Variants in COL6A3 observed in about 807,000 individuals in gnomAD.
The protein encoded by COL6A3 is collagen type VI alpha 3 chain, also known as collagen alpha-3(VI) chain.
COL6A3 carries 137 observed loss-of-function variants against 274.1 expected under a neutral mutation model. The ratio of observed to expected loss-of-function variants is 0.50; its 90% confidence interval spans 0.44 to 0.58. The LOEUF (loss-of-function observed/expected upper bound fraction) is 0.58. Ranked by LOEUF, COL6A3 falls within the 20% of genes least tolerant of loss-of-function variation. COL6A3 has a pLI of 0.00. For missense variants in COL6A3, 3,950 were observed against 4,124.9 expected (o/e 0.96, Z 1.16); for synonymous variants, 1,650 against 1,650.6 (o/e 1.00, Z 0.01).
intron 1 of COL6A3, among the ~76,000 whole-genome samples, chr2:237,399,946 G>A (rs1269902748): frequency 6.6e-6 from 1 of 152,236 alleles, no homozygotes; most frequent in Non-Finnish European, 1.5e-5. Flanking sequence ...AAGCCCAGGG[G>A]AAGGACCAGA....
Position 237,358,506 on chromosome 2 carries a change from T to A in COL6A3, c.6471+15A>T. 6.2e-7 allele frequency: 1 copy of A among 1,611,576 alleles called. No homozygotes were observed. Among genetic ancestry groups the A allele is most frequent in the Non-Finnish European group, 8.5e-7 (1 of 1,177,668 alleles). On this transcript the variant is annotated intron_variant, in intron 21 of 43. Coordinates refer to ENST00000295550, the MANE Select transcript of COL6A3 (RefSeq NM_004369.4). ...CCAGGCTCAGGTCTGAAATCGTCAA[T>A]AAAGAAATCTTTACCGGGTCCCCTC...
Position 237,332,113 on chromosome 2 carries a change from A to G in COL6A3, c.9328+1337T>C, listed in dbSNP as rs1331076610. Among the ~76,000 whole-genome samples, 649 of 93,882 alleles carry G rather than the reference A, an allele frequency of 6.9e-3. 39 individuals carry two copies. The highest frequency in any genetic ancestry group is 0.027 in the African/African-American group (626 of 22,948). The allele number at this position is 93,882 out of a possible 152,430, so 61.6% of individuals were successfully genotyped here. On this transcript the variant is annotated intron_variant, in intron 42 of 43. Coordinates refer to ENST00000295550, the MANE Select transcript of COL6A3 (RefSeq NM_004369.4). Reference sequence around the variant, plus strand: ...TATATATATATATATATATATATATATATATGAAAAGAAAAACAAAACAGC... The same window carrying G: ...TATATATATATATATATATATATATGTATATGAAAAGAAAAACAAAACAGC...
rs78380978 is a variant in COL6A3, at chr2:237,372,444, A to G, written c.3680-107T>C. The G allele has an allele frequency of 0.017, 26,860 of 1,587,236 alleles. 537 individuals are homozygous for G. The highest frequency in any genetic ancestry group is 0.092 in the African/African-American group (6,908 of 74,728). On this transcript the variant is annotated intron_variant, in intron 8 of 43. Coordinates refer to ENST00000295550, the MANE Select transcript of COL6A3 (RefSeq NM_004369.4). ...GGATTCACAGGCAGGGGATCCTAAC[A>G]CCAATCACCACTGTTAAAAGTCCAA...
chr2:237,362,182 G>T (rs564755468), intron 14 of COL6A3, among the ~76,000 whole-genome samples: 7 of 152,260 alleles, frequency 4.6e-5, no homozygotes, highest in African/African-American at 1.7e-4. Flanking sequence ...CAGTTCCAAA[G>T]TGCAAAGCCA....
intron 13 of COL6A3, among the ~76,000 whole-genome samples, chr2:237,363,733 A>G (rs966884364): frequency 2.0e-5 from 3 of 152,212 alleles, no homozygotes; most frequent in African/African-American, 7.2e-5. Context: ...CACCTCCAAA[A>G]TCAGATAATA....
At chr2:237,335,708 G>A (rs558169323) in intron 40 of COL6A3, among the ~76,000 whole-genome samples, 2 of 152,208 alleles carry the variant, frequency 1.3e-5, no homozygotes, top group Non-Finnish European at 2.9e-5. Context: ...CATGTTCTAA[G>A]GTAGGCGAGT....
intron 7 of COL6A3, among the ~76,000 whole-genome samples, chr2:237,375,630 C>T (rs972669805): frequency 2.6e-5 from 4 of 152,184 alleles, no homozygotes; most frequent in African/African-American, 9.7e-5. Context: ...GCAACCTCCG[C>T]CTCCCGGGTT....
rs1391683311 is a variant in COL6A3, at chr2:237,343,560, A to C, written c.7668+790T>G. On this transcript the variant is annotated intron_variant, in intron 36 of 43. Coordinates refer to ENST00000295550, the MANE Select transcript of COL6A3 (RefSeq NM_004369.4). ...AAAAAAAAAAAAAAAAAAAAAAAAA[A>C]AAAAAAAAAAAAAAAACACACAATT... is the stretch of plus-strand genomic sequence containing the variant. 4.6e-4 allele frequency: 47 copies of C among 101,570 alleles called. 2 individuals are homozygous for C. The highest frequency in any genetic ancestry group is 1.3e-3 in the African/African-American group (32 of 25,236). 6.3% of individuals were successfully genotyped at this position (101,570 alleles called of 1,614,324 possible). A position where few individuals can be genotyped will look rare whatever the true frequency, so the allele number is the denominator to read the frequency against.
intron 27 of COL6A3, 46 bp downstream of exon 27, chr2:237,351,084 G>C (rs1183374412): frequency 6.3e-7 from 1 of 1,585,128 alleles, no homozygotes; most frequent in Non-Finnish European, 8.7e-7. Flanking sequence ...ATGTGTGCCT[G>C]GCTGGTCCCT....
intron 2 of COL6A3, among the ~76,000 whole-genome samples, 176 bp downstream of exon 2, chr2:237,396,549 TAA>T (rs1471383983): frequency 6.6e-6 from 1 of 152,316 alleles, no homozygotes; most frequent in East Asian, 1.9e-4. Flanking sequence ...TCTCACTGGA[TAA>T]AGAGTATCTG....
intron 17 of COL6A3, 41 bp from the exon 18 acceptor site, chr2:237,359,429 C>T: frequency 6.2e-7 from 1 of 1,612,156 alleles, no homozygotes; most frequent in Non-Finnish European, 8.5e-7. Flanking sequence ...GCTTTTCCTG[C>T]AGGGCTGGTC....
intron 26 of COL6A3, 77 bp downstream of exon 26, chr2:237,352,445 C>G: frequency 7.1e-7 from 1 of 1,414,520 alleles, no homozygotes; most frequent in South Asian, 1.2e-5. Flanking sequence ...TAGCATCATC[C>G]GAGAAACTCT....
rs371046481 is a variant in COL6A3, at chr2:237,396,729, G to A, written c.89C>T (p.Ala30Val). The change falls in exon 2 of 44, where the codon GCA becomes GTA. Residue 30 changes from alanine to valine, a missense_variant and splice_region_variant. Physicochemically the swap from Ala to Val is moderately conservative, Grantham distance 64. Around this residue, in one of 5 missense-constraint regions of COL6A3, gnomAD observed 1,934 missense variants for 1,984.3 expected, o/e 0.97. Coordinates refer to ENST00000295550, the MANE Select transcript of COL6A3 (RefSeq NM_004369.4). ...TCAAGGACGTTTCTGGCTCTTACCT[G>A]CTTGCTGCTGCTGGGCATGAGTTGT... ...FPTTHAQQQQ[A>V]DVKNGAAADI... 1.9e-6 allele frequency: 3 copies of A among 1,614,038 alleles called. No homozygotes were observed. The highest frequency in any genetic ancestry group is 4.5e-5 in the East Asian group (2 of 44,878).
chr2:237,352,394 T>C (rs1433655589), intron 26 of COL6A3, 128 bp downstream of exon 26: 1 of 937,554 alleles, frequency 1.1e-6, no homozygotes, highest in African/African-American at 1.6e-5. Flanking sequence ...TCTGGGGTTT[T>C]TGTTGCCAAA....
intron 4 of COL6A3, among the ~76,000 whole-genome samples, chr2:237,383,619 T>C (rs1485405147): frequency 6.6e-6 from 1 of 152,198 alleles, no homozygotes; most frequent in Non-Finnish European, 1.5e-5. Flanking sequence ...GTATTTACTA[T>C]GTATATCACA....
chr2:237,355,266 A>G (rs1210857148), intron 23 of COL6A3: 2 of 306,636 alleles, frequency 6.5e-6, no homozygotes, highest in Non-Finnish European at 1.2e-5. Flanking sequence ...GTTTCAAATG[A>G]GGAATGTGAA....
intron 4 of COL6A3, among the ~76,000 whole-genome samples, chr2:237,383,583 T>A (rs556698766): frequency 6.6e-6 from 1 of 152,208 alleles, no homozygotes; most frequent in Non-Finnish European, 1.5e-5. Context: ...ATTCCATATA[T>A]GCTATACCAT....
At chr2:237,388,218 C>T (rs369602617) in intron 3 of COL6A3, 34 bp from the exon 4 acceptor site, 113 of 1,612,958 alleles carry the variant, frequency 7.0e-5, no homozygotes, top group Non-Finnish European at 9.1e-5. Context: ...AATGTGAAAG[C>T]ATTAGAACAA....
In COL6A3 at chr2:237,336,419, G is replaced by A. The variant is rs761549890; in HGVS notation, c.8681C>T (p.Thr2894Ile). 6.2e-7 allele frequency: 1 copy of A among 1,613,566 alleles called. No individual in the cohort carries two copies. The highest frequency in any genetic ancestry group is 8.5e-7 in the Non-Finnish European group (1 of 1,180,038). ...TTTTKPVTTT[T>I]KPVTIINQPS... The stretch of plus-strand genomic sequence containing the variant: ...CTGATTTATAATAGTCACAGGCTTT[G>A]TTGTGGTGGTTACAGGCTTTGTTGT... The change falls in exon 40 of 44, where the codon ACA (threonine) becomes ATA (isoleucine). Residue 2894 changes from threonine (T) to isoleucine (I), a missense_variant. By Grantham distance (89) the Thr-to-Ile change is moderately conservative. This residue lies in a region of COL6A3 where 1,284 missense variants were observed against 1,349.7 expected (regional missense o/e 0.95). Transcript: ENST00000295550.
Sources: allele counts gnomAD v4.1 joint callset (sites outside exome capture counted in the v4.1 genomes callset), GRCh38; gene constraint gnomAD v4.1.1; regional missense constraint gnomAD v4.1.1; transcripts MANE v1.5; gene names NCBI Gene and HGNC (gene_info 2026-07-23, HGNC 2026-07-21).